Variants in EFCAB3 observed in about 807,000 individuals in gnomAD.
EFCAB3 encodes the protein EF-hand calcium binding domain 3.
A neutral mutation model predicts 42.2 loss-of-function variants in EFCAB3; 36 were observed. The ratio of observed to expected loss-of-function variants is 0.85; its 90% CI spans 0.65 to 1.13. EFCAB3 has a LOEUF of 1.13. Among genes scored for constraint, EFCAB3 ranks in the 50% most tolerant of loss-of-function variants. The probability of loss-of-function intolerance (pLI) is 0.00; values close to 1 mark genes in which losing one functional copy is unlikely to be tolerated. For synonymous variants in EFCAB3, 170 were observed against 172.8 expected (o/e 0.98, Z 0.13); for missense variants, 418 against 505.1 (o/e 0.83, Z 1.65).
intron 8 of EFCAB3, among the ~76,000 whole-genome samples, chr17:62,408,835 C>T (rs1367530067): frequency 2.6e-5 from 4 of 152,208 alleles, no homozygotes; most frequent in Non-Finnish European, 1.5e-5. Flanking sequence ...GACGTGCTCT[C>T]ACATCATGGT....
At chr17:62,408,833 C>T (rs1185017408) in intron 8 of EFCAB3, among the ~76,000 whole-genome samples, 1 of 152,198 alleles carries the variant, frequency 6.6e-6, no homozygotes, top group African/African-American at 2.4e-5. Context: ...TAGACGTGCT[C>T]TCACATCATG....
chr17:62,382,832 A>T, intron 1 of EFCAB3, 131 bp from the exon 2 acceptor site: 6 of 675,784 alleles, frequency 8.9e-6, no homozygotes, highest in Non-Finnish European at 1.5e-5. Context: ...CTCTAACTTG[A>T]GTTTGCATCT....
At chr17:62,409,751 A>C (rs1348539022) in intron 8 of EFCAB3, among the ~76,000 whole-genome samples, 1 of 151,728 alleles carries the variant, frequency 6.6e-6, no homozygotes, top group Non-Finnish European at 1.5e-5. Context: ...ACATGCATAC[A>C]TATGTATATT....
chr17:62,387,514 C>A, intron 3 of EFCAB3, 98 bp downstream of exon 3: 2 of 990,158 alleles, frequency 2.0e-6, no homozygotes, highest in Non-Finnish European at 1.5e-6. Context: ...GGGTTGTCTA[C>A]ACCACCATCA....
intron 8 of EFCAB3, among the ~76,000 whole-genome samples, chr17:62,410,852 G>C (rs1178643625): frequency 6.6e-6 from 1 of 152,132 alleles, no homozygotes; most frequent in Non-Finnish European, 1.5e-5. Flanking sequence ...ATTGAAACCA[G>C]TATCTGTAAG....
upstream of EFCAB3, among the ~76,000 whole-genome samples, chr17:62,378,391 T>C (rs2070167042): frequency 6.6e-6 from 1 of 152,164 alleles, no homozygotes; most frequent in Non-Finnish European, 1.5e-5. Flanking sequence ...TTTAGTGTCC[T>C]TAGCAGTAAA....
chr17:62,414,104 C>T (rs979362028), intron 9 of EFCAB3, among the ~76,000 whole-genome samples: 1 of 152,214 alleles, frequency 6.6e-6, no homozygotes, highest in Non-Finnish European at 1.5e-5. Context: ...ATTTCTGGGA[C>T]ATTCATTTGT....
chr17:62,391,985 A>G lies in EFCAB3; in HGVS notation c.295+20A>G, dbSNP rs750181747. ...TTGATCGTGAGTCCTTTGGCTTCTC[A>G]TTGTTTTTCTCATAAAAGATTTTTG... On this transcript the variant is annotated intron_variant, in intron 4 of 9. Transcript: ENST00000305286. 9 of 1,573,954 alleles carry G rather than the reference A, an allele frequency of 5.7e-6. No homozygotes were observed. The South Asian group carries it at 1.1e-4, about 19-fold the overall frequency.
intron 1 of EFCAB3, among the ~76,000 whole-genome samples, chr17:62,371,243 A>AT (rs536568754): frequency 6.2e-4 from 94 of 152,198 alleles, no homozygotes; most frequent in Non-Finnish European, 1.2e-3. Context: ...GATGAAAAAA[A>AT]GACATGATAT....
At chr17:62,406,794 ACT>A (rs2070452004) in intron 7 of EFCAB3, 121 bp downstream of exon 7, 26 of 1,026,922 alleles carry the variant, frequency 2.5e-5, no homozygotes, top group Non-Finnish European at 3.6e-5. Context: ...CTGAGTGACC[ACT>A]CTCTGTCACA....
intron 4 of EFCAB3, among the ~76,000 whole-genome samples, chr17:62,392,812 T>G (rs2070315803): frequency 6.6e-6 from 1 of 151,980 alleles, no homozygotes. Flanking sequence ...TAATTTTTTG[T>G]ATTTTTAGTA....
chr17:62,406,772 C>CCTG, intron 7 of EFCAB3, 99 bp downstream of exon 7: 1 of 1,287,690 alleles, frequency 7.8e-7, no homozygotes, highest in Non-Finnish European at 1.1e-6. Flanking sequence ...AAGAACAGGA[C>CCTG]TGCAGCCTAT....
chr17:62,410,124 G>A (rs1821477859), intron 8 of EFCAB3, among the ~76,000 whole-genome samples: 2 of 152,134 alleles, frequency 1.3e-5, no homozygotes, highest in Admixed American at 1.3e-4. Context: ...GCTTGAACCC[G>A]GGAGGCAGAG....
intron 7 of EFCAB3, 145 bp from the exon 8 acceptor site, chr17:62,406,883 T>TG: frequency 6.0e-6 from 2 of 334,320 alleles, no homozygotes; most frequent in Non-Finnish European, 1.0e-5. Flanking sequence ...TGTGGATGGG[T>TG]GGGGGGTGGG....
upstream of EFCAB3, chr17:62,378,078 AT>A: frequency 6.7e-6 from 9 of 1,340,458 alleles, no homozygotes; most frequent in Non-Finnish European, 9.2e-6. Context: ...TTTGACTTAC[AT>A]TTTTTAATAC....
intron 9 of EFCAB3, 77 bp from the exon 10 acceptor site, chr17:62,415,926 G>C: frequency 1.6e-6 from 2 of 1,214,326 alleles, no homozygotes; most frequent in Non-Finnish European, 2.3e-6. Context: ...CATAACTCTT[G>C]GGGTATCTAT....
chr17:62,381,968 G>T, intron 1 of EFCAB3: 1 of 290,920 alleles, frequency 3.4e-6, no homozygotes. Flanking sequence ...GGAGGAGGAG[G>T]TGTCCAAAGA....
chr17:62,393,569 G>T lies in EFCAB3; in HGVS notation c.296-4G>T, dbSNP rs370363023. The T allele has an allele frequency of 6.2e-7, 1 of 1,613,172 alleles. No individual in the cohort carries two copies. The highest frequency in any genetic ancestry group is 2.2e-5 in the East Asian group (1 of 44,876). On this transcript the variant is annotated splice_region_variant and splice_polypyrimidine_tract_variant and intron_variant, in intron 4 of 9. Coordinates refer to ENST00000305286, the MANE Select transcript of EFCAB3 (RefSeq NM_173503.4). ...TTGTCCTGAGTCTCAGATTTTTGTT[G>T]CAGGAGATGGGAAGGTGAACTTCTC...
intron 2 of EFCAB3, among the ~76,000 whole-genome samples, chr17:62,383,831 G>T (rs1027141277): frequency 1.1e-4 from 17 of 152,100 alleles, no homozygotes; most frequent in African/African-American, 4.1e-4. Context: ...TAGAAAAAGG[G>T]TCTATATTTC....
Sources: gnomAD v4.1 joint callset for allele counts (sites outside exome capture counted in the v4.1 genomes callset) on GRCh38, gnomAD v4.1.1 for gene constraint, MANE v1.5 for transcripts, NCBI Gene and HGNC (gene_info 2026-07-23, HGNC 2026-07-21) for gene names.